TBXT: variants seen among roughly 807,000 people sequenced by gnomAD.
The protein encoded by TBXT is T-box transcription factor T.
A neutral mutation model predicts 41.1 loss-of-function variants in TBXT; 19 were observed. The observed-to-expected ratio is 0.46, with a 90% CI of 0.32 to 0.68. The LOEUF is 0.68. Among genes scored for constraint, TBXT ranks in the 30% least tolerant of loss-of-function variants. The pLI is 0.03. For missense variants in TBXT, 536 were observed against 582.0 expected, an observed-to-expected ratio of 0.92 and a Z score of 0.81; for synonymous variants, 213 against 238.9, an observed-to-expected ratio of 0.89 and a Z score of 1.00.
At position 166,161,859 on chromosome 6, in the gene TBXT, C is replaced by T. The variant is rs1778965973; in HGVS notation, c.907+588G>A. ...AATGGCGTGAACCCGAGAGGCGGAG[C>T]TTGCAGTGAGCCGAGATCGTGCGAC... On this transcript the variant is annotated intron_variant, in intron 6 of 7. Transcript: ENST00000366876. 4.6e-5 allele frequency among the ~76,000 whole-genome samples: 7 copies of T among 152,236 alleles called. No homozygotes were observed. The South Asian group carries it at 1.4e-3, about 31-fold the overall frequency.
upstream of TBXT, among the ~76,000 whole-genome samples, chr6:166,168,042 T>G (rs1480093881): frequency 2.0e-5 from 3 of 151,968 alleles, no homozygotes; most frequent in Non-Finnish European, 4.4e-5. Flanking sequence ...GCCTGTTTCA[T>G]GTAAATCCGG....
intron 7 of TBXT, among the ~76,000 whole-genome samples, chr6:166,160,633 C>T (rs573566897): frequency 5.9e-4 from 90 of 152,268 alleles, no homozygotes; most frequent in Non-Finnish European, 1.1e-3. Context: ...GTCCTTCCAG[C>T]GAACAGACTG....
chr6:166,166,588 C>T lies in TBXT; in HGVS notation c.471+4G>A. 1 of 1,613,910 alleles carries T rather than the reference C, an allele frequency of 6.2e-7. No homozygotes were observed. The highest frequency in any genetic ancestry group is 8.5e-7 in the Non-Finnish European group (1 of 1,179,934). ...CCCAGACCTGGCGGGCTCCTCACACCTACCTGGCCCCCTCCGTTGAGCTTG... is the reference window on the plus strand; with the variant it reads ...CCCAGACCTGGCGGGCTCCTCACACTTACCTGGCCCCCTCCGTTGAGCTTG... On this transcript the variant is annotated splice_donor_region_variant and intron_variant, in intron 2 of 7. Coordinates refer to ENST00000366876, the MANE Select transcript of TBXT (RefSeq NM_001366285.2).
intron 3 of TBXT, 143 bp downstream of exon 3, chr6:166,165,563 A>C (rs993526565): frequency 8.3e-5 from 108 of 1,294,418 alleles, no homozygotes; most frequent in South Asian, 3.8e-4. Context: ...CTTCCATTTC[A>C]AGTTCCGGAA....
chr6:166,165,741 G>C lies in TBXT; in HGVS notation c.571C>G (p.Gln191Glu), dbSNP rs761937886. The change falls in exon 3 of 8, where the codon CAG (glutamine) becomes GAG (glutamate). Residue 191 changes from glutamine to glutamate, a missense_variant. Coordinates refer to ENST00000366876, the MANE Select transcript of TBXT (RefSeq NM_001366285.2). The part of the protein sequence containing the change: ...MITSHCFPET[Q>E]FIAVTAYQNE... ...TGATAAGCAGTCACCGCTATGAACT[G>C]GGTCTCAGGGAAGCAGTGGCTGGTG... 6.2e-7 allele frequency: 1 copy of C among 1,614,164 alleles called. No individual in the cohort carries two copies. Among genetic ancestry groups the C allele is most frequent in the Non-Finnish European group, 8.5e-7 (1 of 1,180,030 alleles).
Position 166,160,973 on chromosome 6 carries a change from G to C in TBXT, c.908-7C>G. The C allele has an allele frequency of 3.7e-6, 6 of 1,613,736 alleles. No homozygotes were observed. The highest frequency in any genetic ancestry group is 5.1e-6 in the Non-Finnish European group (6 of 1,179,916). Reference sequence around the variant, plus strand: ...GGTGAGTTGTCAGAATAGGCTAAGGGGGGAAGGTAACAAAGTGCAATTATA... The same window carrying C: ...GGTGAGTTGTCAGAATAGGCTAAGGCGGGAAGGTAACAAAGTGCAATTATA... On this transcript the variant is annotated splice_region_variant and splice_polypyrimidine_tract_variant and intron_variant, in intron 6 of 7. Coordinates refer to ENST00000366876, the MANE Select transcript of TBXT (RefSeq NM_001366285.2).
rs116715898 is a variant in TBXT, at chr6:166,163,036, C to T, written c.731-413G>A. Among the ~76,000 whole-genome samples, 848 of 152,342 alleles carry T rather than the reference C, an allele frequency of 5.6e-3. 7 individuals are homozygous for T. Among genetic ancestry groups the T allele is most frequent in the African/African-American group, 0.019 (795 of 41,574 alleles). On this transcript the variant is annotated intron_variant, in intron 5 of 7. Coordinates refer to ENST00000366876, the MANE Select transcript of TBXT (RefSeq NM_001366285.2). ...TGTGTACCTGAGTAAACCCAGGAGC[C>T]TGGCCTCAGGCAACCTAAGCTGTTT...
In TBXT at chr6:166,167,447, T is replaced by A. The variant is rs760455239; in HGVS notation, c.145A>T (p.Ser49Cys). 5 of 1,612,908 alleles carry A rather than the reference T, an allele frequency of 3.1e-6. No homozygotes were observed. Among genetic ancestry groups the A allele is most frequent in the Non-Finnish European group, 4.2e-6 (5 of 1,179,936 alleles). Residue 49 changes from serine to cysteine, a missense_variant, in exon 1 of 8, where the codon AGC becomes TGC. Coordinates refer to ENST00000366876, the MANE Select transcript of TBXT (RefSeq NM_001366285.2). ...TCCTTGAAGCGCAGCCACAGCTCGC[T>A]CTCCTCCAGGCCCACGCGCAGTTCG... is the stretch of plus-strand genomic sequence containing the variant. Reference protein sequence around the residue: ...ERELRVGLEESELWLRFKELT... With the variant: ...ERELRVGLEECELWLRFKELT...
At position 166,166,713 on chromosome 6, in the gene TBXT, G is replaced by A. The variant is rs998908256; in HGVS notation, c.350C>T (p.Pro117Leu). The change falls in exon 2 of 8, where the codon CCG becomes CTG. Residue 117 changes from proline (P) to leucine (L), a missense_variant. Transcript: ENST00000366876. ...GEWVPGGKPE[P>L]QAPSCVYIHP... The stretch of plus-strand genomic sequence containing the variant: ...GATGTAGACGCAGCTGGGCGCCTGC[G>A]GCTCCGGCTTGCCCCCCGGCACCCA... The A allele has an allele frequency of 6.2e-7, 1 of 1,613,808 alleles. No individual in the cohort carries two copies. The highest frequency in any genetic ancestry group is 1.1e-5 in the South Asian group (1 of 91,076).
intron 2 of TBXT, 131 bp from the exon 3 acceptor site, chr6:166,165,971 T>C (rs1779098833): frequency 5.7e-6 from 8 of 1,409,808 alleles, no homozygotes; most frequent in African/African-American, 1.4e-5. Flanking sequence ...GGAAGTGGGG[T>C]TCCACCAGGG....
intron 2 of TBXT, 144 bp downstream of exon 2, chr6:166,166,448 C>G: frequency 7.6e-7 from 1 of 1,319,818 alleles, no homozygotes; most frequent in Non-Finnish European, 1.1e-6. Flanking sequence ...CGCTAAAGGC[C>G]TTATTAGAGA....
intron 6 of TBXT, among the ~76,000 whole-genome samples, chr6:166,161,863 C>T (rs144585573): frequency 1.8e-3 from 271 of 152,346 alleles, no homozygotes; most frequent in African/African-American, 6.3e-3. Context: ...GCGGAGCTTG[C>T]AGTGAGCCGA....
At chr6:166,166,046 T>C (rs1582970223) in intron 2 of TBXT, among the ~76,000 whole-genome samples, 1 of 152,348 alleles carries the variant, frequency 6.6e-6, no homozygotes, top group East Asian at 1.9e-4. Flanking sequence ...TGTGAGATGC[T>C]ACACACCATT....
intron 1 of TBXT, 62 bp from the exon 2 acceptor site, chr6:166,166,918 A>C: frequency 6.2e-7 from 1 of 1,609,288 alleles, no homozygotes; most frequent in Non-Finnish European, 8.5e-7. Context: ...CGGAGGCAGA[A>C]GCTGGGCACA....
At position 166,162,670 on chromosome 6, in the gene TBXT, A is replaced by T. The variant is rs555724727; in HGVS notation, c.731-47T>A. Reference sequence around the variant, plus strand: ...AGTAACCTGCATTAGTGCTCCCTCCATCTCTCCAGAGAGCAGAGCCCAGGC... The same window carrying T: ...AGTAACCTGCATTAGTGCTCCCTCCTTCTCTCCAGAGAGCAGAGCCCAGGC... On this transcript the variant is annotated intron_variant, in intron 5 of 7. Transcript: ENST00000366876. The T allele has an allele frequency of 2.2e-5, 33 of 1,534,326 alleles. No individual in the cohort carries two copies. The South Asian group carries it at 3.9e-4, about 18-fold the overall frequency.
intron 6 of TBXT, among the ~76,000 whole-genome samples, chr6:166,162,159 T>C (rs180903751): frequency 4.5e-4 from 69 of 152,298 alleles, no homozygotes; most frequent in African/African-American, 1.6e-3. Flanking sequence ...CATGGTTCTG[T>C]GGAGAGGCCC....
chr6:166,158,008 A>C lies in TBXT; in HGVS notation c.*307T>G, dbSNP rs965771377. Reference sequence around the variant, plus strand: ...ACACTGTATGAGAAATAAACCAAAAAAAGTTTCTGGACCCTGGCAAACATT... The same window carrying C: ...ACACTGTATGAGAAATAAACCAAAACAAGTTTCTGGACCCTGGCAAACATT... On this transcript the variant is annotated 3_prime_UTR_variant, in exon 8 of 8. Transcript: ENST00000366876. The C allele has an allele frequency of 2.3e-5, 12 of 514,670 alleles. No individual in the cohort carries two copies. The highest frequency in any genetic ancestry group is 3.9e-5 in the Non-Finnish European group (11 of 284,730). The allele number at this position is 514,670 out of a possible 1,614,324, so 31.9% of individuals were successfully genotyped here.
rs1779064577 is a variant in TBXT, at chr6:166,164,811, A to G, written c.657T>C (p.Asp219=). 2.5e-6 allele frequency: 4 copies of G among 1,613,532 alleles called. No individual in the cohort carries two copies. The highest frequency in any genetic ancestry group is 1.8e-4 in the Middle Eastern group (1 of 5,672). Residue 219 remains aspartate, a synonymous_variant, in exon 4 of 8, where the codon GAT becomes GAC. Coordinates refer to ENST00000366876, the MANE Select transcript of TBXT (RefSeq NM_001366285.2). Reference sequence around the variant, plus strand: ...TAGAATTCTCTCACCTTTCCTTTGCATCAAGGAAAGCTTTTGCAAATGGAT... The same window carrying G: ...TAGAATTCTCTCACCTTTCCTTTGCGTCAAGGAAAGCTTTTGCAAATGGAT... The part of the protein sequence containing the change: ...KYNPFAKAFL[D]AKERSDHKEM...
Position 166,158,163 on chromosome 6 carries a change from G to GTGC in TBXT, c.*149_*151dup, listed in dbSNP as rs1778839150. The GTGC allele has an allele frequency of 3.6e-5, 43 of 1,191,980 alleles. No homozygotes were observed. Among genetic ancestry groups the GTGC allele is most frequent in the Non-Finnish European group, 5.1e-5 (42 of 820,908 alleles). The allele number at this position is 1,191,980 out of a possible 1,614,324, so 73.8% of individuals were successfully genotyped here. ...CTGGGGCTCTGGGGAAAGGTGCCGT[G>GTGC]TGCTCCTCCACTGCTTTGAAAAGGA... On this transcript the variant is annotated 3_prime_UTR_variant, in exon 8 of 8. Coordinates refer to ENST00000366876, the MANE Select transcript of TBXT (RefSeq NM_001366285.2).
Sources: allele counts gnomAD v4.1 joint callset (sites outside exome capture counted in the v4.1 genomes callset), GRCh38; gene constraint gnomAD v4.1.1; transcripts MANE v1.5; gene names NCBI Gene and HGNC (gene_info 2026-07-23, HGNC 2026-07-21).